The following SLC7A8 variants were observed in gnomAD, a reference collection of about 807,000 sequenced individuals.
SLC7A8 encodes large neutral amino acids transporter small subunit 2.
A neutral mutation model predicts 51.2 loss-of-function variants in SLC7A8; 30 were observed. The observed-to-expected ratio is 0.59, with a 90% CI of 0.44 to 0.80. SLC7A8 has a LOEUF of 0.80. Among genes scored for constraint, SLC7A8 ranks in the 30% least tolerant of loss-of-function variants. The pLI is 0.00. For synonymous variants in SLC7A8, 257 were observed against 275.8 expected, an observed-to-expected ratio of 0.93 and a Z score of 0.67; for missense variants, 612 against 674.4, an observed-to-expected ratio of 0.91 and a Z score of 1.03.
rs1167435521 is a variant in SLC7A8, at chr14:23,128,811, G to A, written c.1264-615C>T. ...CTTGTCTTCCTCGCTCAGAAGGGAT[G>A]TGTGTGGTGGGGACATGGGGTTATT... On this transcript the variant is annotated intron_variant, in intron 9 of 10. Transcript: ENST00000316902. This position sits in a 1 kb window ranked among gnomAD's most constrained non-coding sequence, Gnocchi z 4.3. 2.0e-5 allele frequency among the ~76,000 whole-genome samples: 3 copies of A among 152,248 alleles called. No homozygotes were observed. Among genetic ancestry groups the A allele is most frequent in the African/African-American group, 4.8e-5 (2 of 41,462 alleles).
chr14:23,169,016 G>A (rs575689797), intron 1 of SLC7A8, among the ~76,000 whole-genome samples: 1 of 152,188 alleles, frequency 6.6e-6, no homozygotes, highest in African/African-American at 2.4e-5. Context: ...TAAAAATTGG[G>A]TTTCTGCCCC....
rs758851428 is a variant in SLC7A8 at position 23,166,541 on chromosome 14, C to T, written c.152-1G>A. ...AAGATTCCAGAGCCGATGATGTTCC[C>T]TGCATGAGGCACCAAGGGTAAGGAG... On this transcript the variant is annotated splice_acceptor_variant, in intron 1 of 10. Coordinates refer to ENST00000316902, the MANE Select transcript of SLC7A8 (RefSeq NM_012244.4). LOFTEE classifies it high-confidence loss of function. The T allele has an allele frequency of 6.2e-7, 1 of 1,613,938 alleles. No individual in the cohort carries two copies. The highest frequency in any genetic ancestry group is 8.5e-7 in the Non-Finnish European group (1 of 1,179,890).
At chr14:23,149,000 C>G (rs1594829588) in intron 3 of SLC7A8, among the ~76,000 whole-genome samples, 1 of 152,230 alleles carries the variant, frequency 6.6e-6, no homozygotes, top group Non-Finnish European at 1.5e-5. Flanking sequence ...AGGCAACACA[C>G]ACCAGGAGCC....
intron 3 of SLC7A8, among the ~76,000 whole-genome samples, chr14:23,145,387 G>C (rs1349464191): frequency 6.6e-6 from 1 of 151,426 alleles, no homozygotes. Context: ...TTAGCTGGGC[G>C]TGGTGGTGGC....
intron 1 of SLC7A8, among the ~76,000 whole-genome samples, chr14:23,181,736 A>G (rs774586406): frequency 1.3e-5 from 2 of 152,192 alleles, no homozygotes; most frequent in Non-Finnish European, 2.9e-5. Flanking sequence ...ACCGTCCTGC[A>G]CTCCTTTTTC....
chr14:23,128,055 A>G lies in SLC7A8; in HGVS notation c.1405T>C (p.Trp469Arg). The G allele has an allele frequency of 6.2e-7, 1 of 1,614,220 alleles. No individual in the cohort carries two copies. Among genetic ancestry groups the G allele is most frequent in the Non-Finnish European group, 8.5e-7 (1 of 1,180,026 alleles). ...GVPVYFLGVY[W>R]QHKPKCFSDF... ...CTGAAACACTTGGGCTTGTGTTGCC[A>G]GTAAACACCCAGGAAATAGACAGGC... Residue 469 changes from tryptophan (W) to arginine (R), a missense_variant, in exon 10 of 11, where the codon TGG becomes CGG. Trp to Arg is a moderately radical substitution (Grantham distance 101). Coordinates refer to ENST00000316902, the MANE Select transcript of SLC7A8 (RefSeq NM_012244.4). This position sits in a 1 kb window ranked among gnomAD's most constrained non-coding sequence, Gnocchi z 4.3.
intron 3 of SLC7A8, among the ~76,000 whole-genome samples, chr14:23,146,392 GAC>G (rs2048794540): frequency 6.6e-6 from 1 of 152,146 alleles, no homozygotes; most frequent in African/African-American, 2.4e-5. Context: ...CCCCCAAGCA[GAC>G]CACCTCCCTG....
chr14:23,128,889 G>A lies in SLC7A8; in HGVS notation c.1264-693C>T, dbSNP rs561014638. Reference sequence around the variant, plus strand: ...TCTAAGTGTGAGAGTAGAAAATGGCGGTGGAAATGCCAGTGAGGAACTGAG... The same window carrying A: ...TCTAAGTGTGAGAGTAGAAAATGGCAGTGGAAATGCCAGTGAGGAACTGAG... On this transcript the variant is annotated intron_variant, in intron 9 of 10. Coordinates refer to ENST00000316902, the MANE Select transcript of SLC7A8 (RefSeq NM_012244.4). The surrounding 1 kb of genome is among the most constrained non-coding windows in gnomAD (Gnocchi z 4.3). Among the ~76,000 whole-genome samples, 27 of 152,276 alleles carry A rather than the reference G, an allele frequency of 1.8e-4. No homozygotes were observed. Among genetic ancestry groups the A allele is most frequent in the Non-Finnish European group, 2.6e-4 (18 of 68,024 alleles).
Position 23,127,266 on chromosome 14 carries a change from C to A in SLC7A8, c.1519G>T (p.Ala507Ser). 1 of 1,614,118 alleles carries A rather than the reference C, an allele frequency of 6.2e-7. No individual in the cohort carries two copies. Among genetic ancestry groups the A allele is most frequent in the Non-Finnish European group, 8.5e-7 (1 of 1,179,988 alleles). The change falls in exon 11 of 11, where the codon GCT becomes TCT. Residue 507 changes from alanine (A) to serine (S), a missense_variant. Transcript: ENST00000316902. ...EVERGSGTEE[A>S]NEDMEEQQQP... The stretch of plus-strand genomic sequence containing the variant: ...TGCTGCTCCTCCATGTCCTCATTAG[C>A]CTCCTCTGTCCCTGAGCCCCGCTCC...
chr14:23,155,552 C>A, intron 3 of SLC7A8: 7 of 1,211,666 alleles, frequency 5.8e-6, no homozygotes, highest in Non-Finnish European at 7.3e-6. Flanking sequence ...AAACATGGCT[C>A]CTCAGCTGGC....
At chr14:23,142,797 C>T (rs776064669) in intron 4 of SLC7A8, among the ~76,000 whole-genome samples, 15 of 152,276 alleles carry the variant, frequency 9.9e-5, no homozygotes, top group Middle Eastern at 3.4e-3. Context: ...CCACCACACT[C>T]GGCCGATATG....
intron 1 of SLC7A8, among the ~76,000 whole-genome samples, chr14:23,180,319 T>C (rs915132665): frequency 6.6e-6 from 1 of 152,210 alleles, no homozygotes; most frequent in Non-Finnish European, 1.5e-5. Context: ...TTGAAAACAC[T>C]TGAATCACGA....
At chr14:23,159,943 G>T (rs1156755732) in intron 3 of SLC7A8, among the ~76,000 whole-genome samples, 7 of 152,224 alleles carry the variant, frequency 4.6e-5, no homozygotes, top group Non-Finnish European at 2.9e-5. Context: ...TCCTGAGGGT[G>T]AGGAAGGAGA....
chr14:23,127,724 C>A (rs528059111), intron 10 of SLC7A8, among the ~76,000 whole-genome samples: 2 of 152,214 alleles, frequency 1.3e-5, no homozygotes, highest in Non-Finnish European at 2.9e-5. Context: ...CTCAAGTGAT[C>A]CTCTGTCTCA....
At chr14:23,138,140 C>T (rs983028162) in intron 6 of SLC7A8, 116 bp from the exon 7 acceptor site, 123 of 1,297,022 alleles carry the variant, frequency 9.5e-5, no homozygotes, top group Non-Finnish European at 1.1e-4. Context: ...AATTCTCTCT[C>T]GCCAAGCTTC....
chr14:23,139,335 C>T, intron 6 of SLC7A8, 89 bp downstream of exon 6: 1 of 1,589,904 alleles, frequency 6.3e-7, no homozygotes, highest in African/African-American at 1.3e-5. Context: ...TTCCACAAGG[C>T]CATGGATCAG....
intron 1 of SLC7A8, among the ~76,000 whole-genome samples, chr14:23,173,652 T>C (rs1334999799): frequency 6.6e-6 from 1 of 152,194 alleles, no homozygotes; most frequent in Non-Finnish European, 1.5e-5. Flanking sequence ...TTTTAAATTT[T>C]TACTTTTTTT....
chr14:23,170,338 ACTGT>A (rs1351432956), intron 1 of SLC7A8, among the ~76,000 whole-genome samples: 4 of 152,218 alleles, frequency 2.6e-5, no homozygotes, highest in African/African-American at 7.2e-5. Context: ...CAACTTGGAC[ACTGT>A]CTAAGTGAGA....
intron 3 of SLC7A8, among the ~76,000 whole-genome samples, chr14:23,147,936 G>A (rs978348246): frequency 1.3e-5 from 2 of 152,204 alleles, no homozygotes; most frequent in Non-Finnish European, 2.9e-5. Flanking sequence ...CTGGCAGAGG[G>A]ATTCAGAGTC....
Sources: gnomAD v4.1 joint callset for allele counts (sites outside exome capture counted in the v4.1 genomes callset) on GRCh38, gnomAD v4.1.1 for gene constraint, Gnocchi (gnomAD v3.1) non-coding constraint, MANE v1.5 for transcripts, NCBI Gene and HGNC (gene_info 2026-07-23, HGNC 2026-07-21) for gene names.